The following COL10A1 variants were observed in gnomAD, a reference collection of about 807,000 sequenced individuals.
COL10A1 encodes the protein collagen alpha-1(X) chain.
In COL10A1, 10 loss-of-function variants were observed where a neutral mutation model predicts 18.2. That is an observed-to-expected ratio of 0.55 (90% CI 0.34 to 0.93). COL10A1 has a LOEUF of 0.93. COL10A1 is among the 40% of genes least tolerant of loss of function. COL10A1 has a pLI of 0.02. For missense variants in COL10A1, 897 were observed against 853.5 expected (o/e 1.05, Z -0.64); for synonymous variants, 330 against 316.6 (o/e 1.04, Z -0.45).
At chr6:116,131,927 T>A (rs1222435956) in intron 1 of COL10A1, among the ~76,000 whole-genome samples, 4 of 152,178 alleles carry the variant, frequency 2.6e-5, no homozygotes, top group Admixed American at 6.6e-5. Context: ...CATGCAGTAT[T>A]TGGTGTTCTG....
chr6:116,141,819 G>A (rs1190953161), intron 1 of COL10A1, among the ~76,000 whole-genome samples: 2 of 144,884 alleles, frequency 1.4e-5, no homozygotes, highest in Admixed American at 1.4e-4. Context: ...ATTATGATAA[G>A]CATTTAATTA....
At chr6:116,142,844 G>T (rs1010859462) in intron 1 of COL10A1, among the ~76,000 whole-genome samples, 2 of 152,134 alleles carry the variant, frequency 1.3e-5, no homozygotes, top group Non-Finnish European at 2.9e-5. Flanking sequence ...TTCGTGTTCT[G>T]ATGCCTTCAT....
the COL10A1 span, among the ~76,000 whole-genome samples, chr6:116,201,056 A>G: frequency 6.6e-6 from 1 of 151,998 alleles, no homozygotes; most frequent in Non-Finnish European, 1.5e-5. Context: ...GTAGGAGTGA[A>G]GTACTAACTT....
the COL10A1 span, among the ~76,000 whole-genome samples, chr6:116,206,317 C>G: frequency 6.6e-6 from 1 of 151,938 alleles, no homozygotes; most frequent in Admixed American, 6.6e-5. Flanking sequence ...CTAAATGTTT[C>G]ACATATATCA....
At chr6:116,131,170 G>A (rs571495703) in intron 1 of COL10A1, among the ~76,000 whole-genome samples, 9 of 152,062 alleles carry the variant, frequency 5.9e-5, no homozygotes, top group Non-Finnish European at 1.2e-4. Context: ...CCGTGGTATG[G>A]TCAGTTTCCA....
chr6:116,210,216 A>G, the COL10A1 span, among the ~76,000 whole-genome samples: 1 of 152,032 alleles, frequency 6.6e-6, no homozygotes, highest in Non-Finnish European at 1.5e-5. Flanking sequence ...TGCTTAAAAG[A>G]CTTTCCACAT....
intron 1 of COL10A1, among the ~76,000 whole-genome samples, chr6:116,148,167 A>G (rs1582834793): frequency 6.6e-6 from 1 of 152,324 alleles, no homozygotes; most frequent in African/African-American, 2.4e-5. Flanking sequence ...ATAAGGATAG[A>G]CAAACTAGTA....
the COL10A1 span, among the ~76,000 whole-genome samples, chr6:116,196,642 A>G: frequency 6.6e-6 from 1 of 152,038 alleles, no homozygotes; most frequent in Non-Finnish European, 1.5e-5. Flanking sequence ...TCATTACACT[A>G]AACAAAATAG....
chr6:116,182,992 A>G, the COL10A1 span, among the ~76,000 whole-genome samples: 1 of 152,032 alleles, frequency 6.6e-6, no homozygotes, highest in African/African-American at 2.4e-5. Flanking sequence ...CTTTTCTAGA[A>G]TTGTTATGGT....
the COL10A1 span, among the ~76,000 whole-genome samples, chr6:116,175,606 C>CT: frequency 6.6e-6 from 1 of 152,092 alleles, no homozygotes; most frequent in East Asian, 1.9e-4. Flanking sequence ...TTCCTTCTCC[C>CT]CCGACACAGT....
chr6:116,128,581 T>A (rs1315146083), upstream of COL10A1, among the ~76,000 whole-genome samples: 2 of 152,194 alleles, frequency 1.3e-5, no homozygotes, highest in African/African-American at 4.8e-5. Flanking sequence ...CTGTGGATCG[T>A]TAATTAATTC....
At position 116,121,058 on chromosome 6, in the gene COL10A1, C is replaced by T. The variant is rs1488158736; in HGVS notation, c.1058G>A (p.Gly353Asp). Residue 353 changes from glycine to aspartate, a missense_variant, in exon 3 of 3, where the codon GGT becomes GAT. Physicochemically the swap from Gly to Asp is moderately conservative, Grantham distance 94. Coordinates refer to ENST00000651968, the MANE Select transcript of COL10A1 (RefSeq NM_000493.4). ...TTTAGGGCCTGGGAGACCATGGCTA[C>T]CCGGGATGCCTTTTGGTCCTTGGGG... is the stretch of plus-strand genomic sequence containing the variant. ...MGPQGPKGIPGSHGLPGPKGE... is the reference protein window; with the variant it reads ...MGPQGPKGIPDSHGLPGPKGE... 4 of 1,613,968 alleles carry T rather than the reference C, an allele frequency of 2.5e-6. No individual in the cohort carries two copies. The highest frequency in any genetic ancestry group is 2.5e-6 in the Non-Finnish European group (3 of 1,179,972).
At chr6:116,159,124 A>G (rs529731564), upstream of COL10A1, among the ~76,000 whole-genome samples, 1 of 152,176 alleles carries the variant, frequency 6.6e-6, no homozygotes, top group South Asian at 2.1e-4. Context: ...CCACAGAAGG[A>G]TATCTTCTTA....
rs762743318 is a variant in COL10A1 at position 116,121,134 on chromosome 6, C to A, written c.982G>T (p.Ala328Ser). Residue 328 changes from alanine (A) to serine (S), a missense_variant, in exon 3 of 3, where the codon GCA (alanine) becomes TCA (serine). Physicochemically the swap from Ala to Ser is moderately conservative, Grantham distance 99 (BLOSUM62 1). Transcript: ENST00000651968. Reference sequence around the variant, plus strand: ...AGACCTGGCTTCCCAGGAAGACCTGCTGGCCCTTGTTCCCCTTTGGCACCT... The same window carrying A: ...AGACCTGGCTTCCCAGGAAGACCTGATGGCCCTTGTTCCCCTTTGGCACCT... ...GPGAKGEQGP[A>S]GLPGKPGLTG... The A allele has an allele frequency of 6.2e-7, 1 of 1,613,538 alleles. No homozygotes were observed.
chr6:116,168,218 T>C, the COL10A1 span, among the ~76,000 whole-genome samples: 3 of 152,100 alleles, frequency 2.0e-5, no homozygotes, highest in Admixed American at 6.5e-5. Context: ...TTTCTCTCTT[T>C]CTGGGATTTC....
At chr6:116,177,023 A>G in the COL10A1 span, among the ~76,000 whole-genome samples, 5 of 152,326 alleles carry the variant, frequency 3.3e-5, no homozygotes, top group East Asian at 9.6e-4. Context: ...ATATGCTACA[A>G]AATGTCCAGA....
At chr6:116,190,893 C>T in the COL10A1 span, among the ~76,000 whole-genome samples, 1 of 151,994 alleles carries the variant, frequency 6.6e-6, no homozygotes, top group Non-Finnish European at 1.5e-5. Context: ...ACATGGCTCT[C>T]ATTAGTGGTT....
the COL10A1 span, among the ~76,000 whole-genome samples, chr6:116,211,659 A>G: frequency 6.6e-6 from 1 of 152,128 alleles, no homozygotes; most frequent in Non-Finnish European, 1.5e-5. Context: ...TCCACGAAGT[A>G]TATTTATTCC....
chr6:116,123,506 G>A (rs997098882), intron 2 of COL10A1, among the ~76,000 whole-genome samples: 3 of 152,208 alleles, frequency 2.0e-5, no homozygotes, highest in Admixed American at 1.3e-4. Context: ...AATGTGGCAC[G>A]TGCATCTGCC....
Sources: allele counts gnomAD v4.1 joint callset (sites outside exome capture counted in the v4.1 genomes callset), GRCh38; gene constraint gnomAD v4.1.1; transcripts MANE v1.5; gene names NCBI Gene and HGNC (gene_info 2026-07-23, HGNC 2026-07-21).